The following MED12L variants were observed in gnomAD, a reference collection of about 807,000 sequenced individuals.
MED12L encodes mediator complex subunit 12L, also known as mediator of RNA polymerase II transcription subunit 12-like protein.
A neutral mutation model predicts 281.3 loss-of-function variants in MED12L; 60 were observed. The ratio of observed to expected loss-of-function variants is 0.21; its 90% CI spans 0.17 to 0.26. The LOEUF is 0.26. MED12L is among the 10% of genes least tolerant of loss of function. The probability of loss-of-function intolerance (pLI) is 1.00; values close to 1 mark genes in which losing one functional copy is unlikely to be tolerated. For missense variants in MED12L, 2,146 were observed against 2,680.9 expected (o/e 0.80, Z 4.41); for synonymous variants, 974 against 987.2 (o/e 0.99, Z 0.25).
intron 12 of MED12L, 104 bp from the exon 13 acceptor site, chr3:151,188,250 A>G (rs185023461): frequency 1.8e-4 from 142 of 792,702 alleles, no homozygotes; most frequent in African/African-American, 1.1e-3. Context: ...TTAATTTTAC[A>G]TGTTTTACCT....
At chr3:151,378,262 C>A in intron 31 of MED12L, 89 bp downstream of exon 31, 1 of 1,271,604 alleles carries the variant, frequency 7.9e-7, no homozygotes, top group Non-Finnish European at 1.0e-6. Flanking sequence ...TCACTGTACC[C>A]ACAGTCCACT....
chr3:151,405,556 G>C (rs146090711), intron 39 of MED12L, among the ~76,000 whole-genome samples: 1 of 152,136 alleles, frequency 6.6e-6, no homozygotes, highest in Non-Finnish European at 1.5e-5. Flanking sequence ...AGGATCTCTT[G>C]AGTCCAGGAA....
At chr3:151,125,975 A>G (rs910386558) in intron 4 of MED12L, among the ~76,000 whole-genome samples, 11 of 151,896 alleles carry the variant, frequency 7.2e-5, no homozygotes, top group African/African-American at 2.7e-4. Context: ...GTCAGCACCC[A>G]AGGCAGGAAC....
At chr3:151,222,564 A>C (rs948694067) in intron 16 of MED12L, among the ~76,000 whole-genome samples, 1 of 152,178 alleles carries the variant, frequency 6.6e-6, no homozygotes, top group African/African-American at 2.4e-5. Context: ...GCCCTGCACA[A>C]GCTCTCTTCT....
At chr3:151,338,824 T>C in intron 16 of MED12L, 1 of 1,613,612 alleles carries the variant, frequency 6.2e-7, no homozygotes, top group Non-Finnish European at 8.5e-7. Context: ...GGCGCAGAGG[T>C]GAGGTTGTCG....
intron 16 of MED12L, among the ~76,000 whole-genome samples, chr3:151,276,710 G>A (rs572248103): frequency 1.3e-5 from 2 of 152,250 alleles, no homozygotes; most frequent in African/African-American, 4.8e-5. Context: ...CTTCTGTTCA[G>A]CACTTTAGAA....
rs74270329 is a variant in MED12L, at chr3:151,163,506, TC to T, written c.1108-386del. Among the ~76,000 whole-genome samples, 348 of 149,124 alleles carry T rather than the reference TC, an allele frequency of 2.3e-3. 1 individual carries two copies. Among genetic ancestry groups the T allele is most frequent in the African/African-American group, 3.2e-3 (130 of 40,822 alleles). ...GATTTTGTTTTTGTTTTTAAATACTTCTTTTTTTTTAGCTTTTACAGCCTTA... is the reference window on the plus strand; with the variant it reads ...GATTTTGTTTTTGTTTTTAAATACTTTTTTTTTTTAGCTTTTACAGCCTTA... On this transcript the variant is annotated intron_variant, in intron 8 of 44. Transcript: ENST00000687756.
chr3:151,188,278 TA>T, intron 12 of MED12L, 75 bp from the exon 13 acceptor site: 4 of 1,246,014 alleles, frequency 3.2e-6, no homozygotes, highest in African/African-American at 1.5e-5. Context: ...TAAATGCCAA[TA>T]AAAAATTAAC....
intron 11 of MED12L, among the ~76,000 whole-genome samples, chr3:151,176,121 T>C (rs979851673): frequency 6.6e-6 from 1 of 152,214 alleles, no homozygotes; most frequent in Admixed American, 6.5e-5. Context: ...ACAGGAGGTA[T>C]TGGCGTAAGA....
intron 39 of MED12L, among the ~76,000 whole-genome samples, chr3:151,408,453 C>G (rs758636958): frequency 2.6e-5 from 4 of 151,978 alleles, no homozygotes; most frequent in Non-Finnish European, 5.9e-5. Flanking sequence ...TACAATAAAT[C>G]TCATTCTTTA....
At chr3:151,138,979 A>G (rs902010486) in intron 5 of MED12L, among the ~76,000 whole-genome samples, 19 of 140,144 alleles carry the variant, frequency 1.4e-4, no homozygotes, top group African/African-American at 5.7e-4. Flanking sequence ...TTTGTCTCTT[A>G]TCTACCTACC....
rs1466723756 is a variant in MED12L at position 151,116,434 on chromosome 3, C to T, written c.196C>T (p.Pro66Ser). 1.9e-6 allele frequency: 3 copies of T among 1,604,516 alleles called. No homozygotes were observed. The African/African-American group carries it at 4.0e-5, about 21-fold the overall frequency. Reference protein sequence around the residue: ...HGSARNIVINPSKIGAYFSSI... With the variant: ...HGSARNIVINSSKIGAYFSSI... ...CTCAGCCAGAAATATTGTAATTAACCCATCAAAGGTAATGTTATTTGTTTG... is the reference window on the plus strand; with the variant it reads ...CTCAGCCAGAAATATTGTAATTAACTCATCAAAGGTAATGTTATTTGTTTG... The change falls in exon 3 of 45, where the codon CCA becomes TCA. Residue 66 changes from proline (P) to serine (S), a missense_variant. Coordinates refer to ENST00000687756, the MANE Select transcript of MED12L (RefSeq NM_001393769.1).
At chr3:151,165,811 GC>G (rs1300234924) in intron 10 of MED12L, 34 bp from the exon 11 acceptor site, 1 of 1,594,472 alleles carries the variant, frequency 6.3e-7, no homozygotes. Context: ...GTTATTTTTG[GC>G]CTCATTAACC....
intron 17 of MED12L, among the ~76,000 whole-genome samples, chr3:151,351,864 C>T (rs1334607649): frequency 1.3e-5 from 2 of 152,096 alleles, no homozygotes; most frequent in African/African-American, 2.4e-5. Flanking sequence ...TTTTTAATGC[C>T]ACACTATAGT....
chr3:151,435,776 AAC>A lies in MED12L; in HGVS notation c.*2976_*2977del, dbSNP rs956419878. The A allele has an allele frequency of 6.6e-6, 1 of 152,180 alleles. No homozygotes were observed. The highest frequency in any genetic ancestry group is 1.9e-4 in the East Asian group (1 of 5,192). The allele number at this position is 152,180 out of a possible 1,614,324, so 9.4% of individuals were successfully genotyped here. On this transcript the variant is annotated 3_prime_UTR_variant, in exon 45 of 45. Transcript: ENST00000687756. ...TAATATAAATTCAGTGAATTACAAA[AAC>A]ACATTTTGTGTAGGATTGATCAGAT...
At chr3:151,278,954 A>G (rs1742355785) in intron 16 of MED12L, among the ~76,000 whole-genome samples, 1 of 152,124 alleles carries the variant, frequency 6.6e-6, no homozygotes, top group Non-Finnish European at 1.5e-5. Context: ...CTTCAGATAA[A>G]CTCCTCGTGT....
intron 13 of MED12L, among the ~76,000 whole-genome samples, chr3:151,189,625 A>G (rs1723709761): frequency 6.6e-6 from 1 of 152,230 alleles, no homozygotes; most frequent in African/African-American, 2.4e-5. Flanking sequence ...GAGGCTGCTC[A>G]TCACCGAGTT....
intron 26 of MED12L, among the ~76,000 whole-genome samples, chr3:151,370,524 T>C (rs1235092546): frequency 6.6e-6 from 1 of 152,152 alleles, no homozygotes; most frequent in East Asian, 1.9e-4. Flanking sequence ...GTGAATTTTG[T>C]AGTAAAAAGG....
intron 2 of MED12L, among the ~76,000 whole-genome samples, chr3:151,087,416 C>T (rs1014129554): frequency 1.3e-5 from 2 of 152,210 alleles, no homozygotes; most frequent in Non-Finnish European, 2.9e-5. Context: ...TGCAGTGCAT[C>T]CTACACTGAG....
Sources: gnomAD v4.1 joint callset for allele counts (sites outside exome capture counted in the v4.1 genomes callset) on GRCh38, gnomAD v4.1.1 for gene constraint, MANE v1.5 for transcripts, NCBI Gene and HGNC (gene_info 2026-07-23, HGNC 2026-07-21) for gene names.